Variants in CYTH3 observed in about 807,000 individuals in gnomAD.
The protein encoded by CYTH3 is cytohesin 3.
In CYTH3, 23 loss-of-function variants were observed where a neutral mutation model predicts 55.1. The observed-to-expected ratio is 0.42, with a 90% CI of 0.30 to 0.59. The LOEUF is 0.59. Ranked by LOEUF, CYTH3 falls within the 20% of genes least tolerant of loss-of-function variation. The probability of loss-of-function intolerance (pLI) is 0.20; values close to 1 mark genes in which losing one functional copy is unlikely to be tolerated. For synonymous variants in CYTH3, 249 were observed against 194.9 expected, an observed-to-expected ratio of 1.28 and a Z score of -2.31; for missense variants, 413 against 524.8, an observed-to-expected ratio of 0.79 and a Z score of 2.08.
intron 1 of CYTH3, among the ~76,000 whole-genome samples, chr7:6,239,784 A>C (rs1411578358): frequency 1.3e-5 from 2 of 152,228 alleles, no homozygotes; most frequent in Non-Finnish European, 2.9e-5. Context: ...AAAATACCAA[A>C]TATCCAAATA....
At chr7:6,267,195 G>A (rs1780519070) in intron 1 of CYTH3, among the ~76,000 whole-genome samples, 1 of 152,210 alleles carries the variant, frequency 6.6e-6, no homozygotes, top group South Asian at 2.1e-4. Flanking sequence ...CTGGCACCAT[G>A]CCTGTACAGC....
At position 6,203,208 on chromosome 7, in the gene CYTH3, AT is replaced by A. The variant is rs1025765610; in HGVS notation, c.35-12678del. ...TTTTCCCAAAGGCAAAAAAAAAAAA[AT>A]GTTGAAGATCTTACCAACACAATAG... On this transcript the variant is annotated intron_variant, in intron 1 of 12. Transcript: ENST00000350796. Among the ~76,000 whole-genome samples the A allele has an allele frequency of 7.2e-5, 11 of 152,222 alleles. No homozygotes were observed. The East Asian group carries it at 1.9e-3, about 27-fold the overall frequency.
In CYTH3 at chr7:6,272,574, C is replaced by A; in HGVS notation, c.-67G>T. On this transcript the variant is annotated 5_prime_UTR_variant, in exon 1 of 13. Coordinates refer to ENST00000350796, the MANE Select transcript of CYTH3 (RefSeq NM_004227.4). ...CAGAGGGGCCGCGGGCTGGGGACGCCGCCGGAGGGAGCGCGCAGGCGACCG... is the reference window on the plus strand; with the variant it reads ...CAGAGGGGCCGCGGGCTGGGGACGCAGCCGGAGGGAGCGCGCAGGCGACCG... 8.7e-7 allele frequency: 1 copy of A among 1,143,470 alleles called. No homozygotes were observed. Among genetic ancestry groups the A allele is most frequent in the Non-Finnish European group, 1.1e-6 (1 of 929,202 alleles). 70.8% of individuals were successfully genotyped at this position (1,143,470 alleles called of 1,614,324 possible). A position where few individuals can be genotyped will look rare whatever the true frequency, so the allele number is the denominator to read the frequency against.
chr7:6,226,988 A>G (rs1326066595), intron 1 of CYTH3, among the ~76,000 whole-genome samples: 2 of 151,852 alleles, frequency 1.3e-5, no homozygotes, highest in Non-Finnish European at 2.9e-5. Flanking sequence ...GCTGAGGCAG[A>G]AGAACGGTGT....
In CYTH3 at chr7:6,169,880, G is replaced by A. The variant is rs985831277; in HGVS notation, c.823+655C>T. 1.3e-5 allele frequency among the ~76,000 whole-genome samples: 2 copies of A among 152,014 alleles called. No homozygotes were observed. The highest frequency in any genetic ancestry group is 4.8e-5 in the African/African-American group (2 of 41,398). ...GTTGGTTCCCACACAGCATCCCCATGTGCTCCAGGTCCCAGCCACTCTCAG... is the reference window on the plus strand; with the variant it reads ...GTTGGTTCCCACACAGCATCCCCATATGCTCCAGGTCCCAGCCACTCTCAG... On this transcript the variant is annotated intron_variant, in intron 9 of 12. Transcript: ENST00000350796. This position sits in a 1 kb window ranked among gnomAD's most constrained non-coding sequence, Gnocchi z 4.1.
intron 1 of CYTH3, among the ~76,000 whole-genome samples, chr7:6,259,813 A>ATATATATATAT (rs1321305490): frequency 1.2e-4 from 3 of 25,454 alleles, no homozygotes; most frequent in Non-Finnish European, 1.6e-4. Flanking sequence ...ATATATATAT[A>ATATATATATAT]ATATATATAT....
Position 6,171,043 on chromosome 7 carries a change from T to TGGGGGCCCGCCTGCAAG in CYTH3, c.563-82_563-66dup, listed in dbSNP as rs1783174169. The TGGGGGCCCGCCTGCAAG allele has an allele frequency of 1.3e-6, 2 of 1,598,012 alleles. No individual in the cohort carries two copies. The highest frequency in any genetic ancestry group is 1.7e-6 in the Non-Finnish European group (2 of 1,170,676). On this transcript the variant is annotated intron_variant, in intron 7 of 12. Coordinates refer to ENST00000350796, the MANE Select transcript of CYTH3 (RefSeq NM_004227.4). This position sits in a 1 kb window ranked among gnomAD's most constrained non-coding sequence, Gnocchi z 6.7. ...CAGTGGACAGTGGGACCCCGCGTGCTGGGGGCCCGCCTGCAAGAGGTGCCC... is the reference window on the plus strand; with the variant it reads ...CAGTGGACAGTGGGACCCCGCGTGCTGGGGGCCCGCCTGCAAGGGGGGCCCGCCTGCAAGAGGTGCCC...
chr7:6,232,896 G>A (rs1296543542), intron 1 of CYTH3, among the ~76,000 whole-genome samples: 1 of 152,080 alleles, frequency 6.6e-6, no homozygotes, highest in African/African-American at 2.4e-5. Context: ...CACTTCGGGT[G>A]CCAGCCTCTT....
chr7:6,173,826 C>T, intron 5 of CYTH3, 93 bp from the exon 6 acceptor site: 1 of 781,764 alleles, frequency 1.3e-6, no homozygotes, highest in Non-Finnish European at 2.3e-6. Flanking sequence ...TATGAACGTT[C>T]ATGCACAAGT....
chr7:6,165,023 A>C lies in CYTH3; in HGVS notation c.1128-7T>G, dbSNP rs766704242. 1 of 1,614,110 alleles carries C rather than the reference A, an allele frequency of 6.2e-7. No individual in the cohort carries two copies. The highest frequency in any genetic ancestry group is 8.5e-7 in the Non-Finnish European group (1 of 1,179,988). On this transcript the variant is annotated splice_polypyrimidine_tract_variant and splice_region_variant and intron_variant, in intron 12 of 12. Coordinates refer to ENST00000350796, the MANE Select transcript of CYTH3 (RefSeq NM_004227.4). ...ATCTCTGCTGATACTGGCTCTGGTG[A>C]AAAAAGGAAAACACACAGGTTAGGT...
chr7:6,203,142 T>C (rs948755321), intron 1 of CYTH3, among the ~76,000 whole-genome samples: 1 of 150,706 alleles, frequency 6.6e-6, no homozygotes, highest in Admixed American at 6.6e-5. Context: ...TCTCAAAATA[T>C]ATAAAGCAAA....
At chr7:6,264,067 T>C (rs1347490093) in intron 1 of CYTH3, among the ~76,000 whole-genome samples, 1 of 151,780 alleles carries the variant, frequency 6.6e-6, no homozygotes, top group Non-Finnish European at 1.5e-5. Context: ...GCCAACATGG[T>C]GAAACCCCAT....
intron 1 of CYTH3, among the ~76,000 whole-genome samples, chr7:6,195,478 G>C (rs1174900825): frequency 6.6e-6 from 1 of 151,320 alleles, no homozygotes; most frequent in African/African-American, 2.4e-5. Context: ...TTTTTGAGAC[G>C]GCGTCTCACT....
At chr7:6,238,798 G>A (rs192067879) in intron 1 of CYTH3, among the ~76,000 whole-genome samples, 28 of 152,270 alleles carry the variant, frequency 1.8e-4, no homozygotes, top group African/African-American at 6.0e-4. Flanking sequence ...GGGGCAGGGA[G>A]TATATGGGAG....
intron 1 of CYTH3, among the ~76,000 whole-genome samples, chr7:6,195,424 G>C (rs1199783077): frequency 1.3e-5 from 2 of 152,070 alleles, no homozygotes; most frequent in Admixed American, 1.3e-4. Context: ...TTAGATCTAA[G>C]TGTCGATAAA....
intron 1 of CYTH3, among the ~76,000 whole-genome samples, chr7:6,260,033 T>C (rs1268071596): frequency 6.7e-6 from 1 of 149,802 alleles, no homozygotes; most frequent in Non-Finnish European, 1.5e-5. Flanking sequence ...TTTCTCCATG[T>C]GGTCAGGCTG....
At chr7:6,244,270 T>C (rs1272121229) in intron 1 of CYTH3, among the ~76,000 whole-genome samples, 1 of 152,194 alleles carries the variant, frequency 6.6e-6, no homozygotes, top group African/African-American at 2.4e-5. Context: ...AACCTATTCA[T>C]CTAGAGTCAG....
chr7:6,213,699 G>A (rs868514412), intron 1 of CYTH3, among the ~76,000 whole-genome samples: 4 of 151,896 alleles, frequency 2.6e-5, no homozygotes, highest in Non-Finnish European at 5.9e-5. Flanking sequence ...GCTCTCTTCG[G>A]GTGTCTGAAG....
At chr7:6,185,184 C>T (rs1235770685) in intron 4 of CYTH3, among the ~76,000 whole-genome samples, 1 of 152,212 alleles carries the variant, frequency 6.6e-6, no homozygotes, top group Non-Finnish European at 1.5e-5. Context: ...ATGATTTATG[C>T]CCCATAAGCA....
Sources: gnomAD v4.1 joint callset for allele counts (sites outside exome capture counted in the v4.1 genomes callset) on GRCh38, gnomAD v4.1.1 for gene constraint, Gnocchi (gnomAD v3.1) non-coding constraint, MANE v1.5 for transcripts, NCBI Gene and HGNC (gene_info 2026-07-23, HGNC 2026-07-21) for gene names.